Variants in GALNT2 observed in about 807,000 individuals in gnomAD.
GALNT2 encodes the protein UDP-GalNAc:polypeptide N-acetylgalactosaminyltransferase 2.
A neutral mutation model predicts 81.4 loss-of-function variants in GALNT2; 31 were observed. That is an observed-to-expected ratio of 0.38 (90% CI 0.29 to 0.51). The LOEUF (loss-of-function observed/expected upper bound fraction) is 0.51, where lower values mean the gene tolerates loss of function less well. GALNT2 is among the 20% of genes least tolerant of loss of function. GALNT2 has a pLI of 0.87. For synonymous variants in GALNT2, 303 were observed against 287.4 expected, an observed-to-expected ratio of 1.05 and a Z score of -0.55; for missense variants, 629 against 765.7, an observed-to-expected ratio of 0.82 and a Z score of 2.11.
In GALNT2 at chr1:230,255,368, G is replaced by C. The variant is rs375373287; in HGVS notation, c.1136+24G>C. 1.4e-5 allele frequency: 22 copies of C among 1,613,852 alleles called. 1 individual carries two copies. The highest frequency in any genetic ancestry group is 1.6e-4 in the Middle Eastern group (1 of 6,082). Reference sequence around the variant, plus strand: ...CGGTAAGTAGTGAAAGGCTGAGCGGGGTCCAAAACATTGATGACTACCCTG... The same window carrying C: ...CGGTAAGTAGTGAAAGGCTGAGCGGCGTCCAAAACATTGATGACTACCCTG... On this transcript the variant is annotated intron_variant, in intron 11 of 15. Transcript: ENST00000366672.
chr1:230,140,324 G>C (rs1481453850), intron 1 of GALNT2, among the ~76,000 whole-genome samples: 3 of 152,188 alleles, frequency 2.0e-5, no homozygotes, highest in Non-Finnish European at 4.4e-5. Context: ...TAGTGTGGCT[G>C]GTAGGTTTGG....
In GALNT2 at chr1:230,280,086, G is replaced by A. The variant is rs757958706; in HGVS notation, c.*628G>A. ...AAAGCTATATAGAGAAAGAATGTAC[G>A]GTCAGTTCCCTATGGTTTCTGTAGA... On this transcript the variant is annotated 3_prime_UTR_variant, in exon 16 of 16. Coordinates refer to ENST00000366672, the MANE Select transcript of GALNT2 (RefSeq NM_004481.5). 4.7e-5 allele frequency: 21 copies of A among 444,056 alleles called. No individual in the cohort carries two copies. The highest frequency in any genetic ancestry group is 9.6e-5 in the Admixed American group (4 of 41,744). The allele number at this position is 444,056 out of a possible 1,614,324, so 27.5% of individuals were successfully genotyped here.
intron 2 of GALNT2, among the ~76,000 whole-genome samples, chr1:230,180,297 T>C (rs1253732212): frequency 2.0e-5 from 1 of 50,502 alleles, no homozygotes; most frequent in Admixed American, 2.2e-4. Flanking sequence ...GTCTAGGTTC[T>C]TTTTTTTTTT....
chr1:230,217,689 G>A (rs1664432269), intron 3 of GALNT2, among the ~76,000 whole-genome samples: 1 of 152,218 alleles, frequency 6.6e-6, no homozygotes, highest in Non-Finnish European at 1.5e-5. Context: ...TGAGAATCTG[G>A]TTTCTGCTTT....
chr1:230,061,009 C>A (rs1348882022), intron 1 of GALNT2, among the ~76,000 whole-genome samples: 2 of 152,112 alleles, frequency 1.3e-5, no homozygotes, highest in Non-Finnish European at 2.9e-5. Context: ...CTCTCAACCC[C>A]AGTCCTGGAA....
chr1:230,253,006 C>G (rs1291987093), intron 10 of GALNT2, among the ~76,000 whole-genome samples: 1 of 151,876 alleles, frequency 6.6e-6, no homozygotes, highest in African/African-American at 2.4e-5. Context: ...GCCACCGTGC[C>G]CGGCTAATTT....
At chr1:230,162,989 G>A (rs745445060) in intron 1 of GALNT2, among the ~76,000 whole-genome samples, 9 of 152,194 alleles carry the variant, frequency 5.9e-5, no homozygotes, top group Non-Finnish European at 1.3e-4. Flanking sequence ...AAATCAATGT[G>A]TATGCCTTTT....
intron 3 of GALNT2, among the ~76,000 whole-genome samples, chr1:230,223,948 G>A (rs548703571): frequency 6.6e-6 from 1 of 152,212 alleles, no homozygotes; most frequent in South Asian, 2.1e-4. Context: ...TTTGTGGGGA[G>A]AACTGCAAGA....
chr1:230,279,249 T>C lies in GALNT2; in HGVS notation c.1561-54T>C, dbSNP rs1477242560. 8.3e-6 allele frequency: 13 copies of C among 1,562,898 alleles called. No homozygotes were observed. In the Admixed American group the frequency reaches 2.3e-4, roughly 28 times the overall value. On this transcript the variant is annotated intron_variant, in intron 15 of 15. Transcript: ENST00000366672. The surrounding 1 kb of genome is among the most constrained non-coding windows in gnomAD (Gnocchi z 4.6). The stretch of plus-strand genomic sequence containing the variant: ...AAGGTCCTGAATTCACACGAATCTG[T>C]TTGTACTCCTTTGCTTGTGCCCACA...
intron 1 of GALNT2, among the ~76,000 whole-genome samples, chr1:230,080,664 A>T (rs1217092552): frequency 6.6e-6 from 1 of 151,972 alleles, no homozygotes; most frequent in Non-Finnish European, 1.5e-5. Flanking sequence ...GGCAGAGAGG[A>T]TGCATAGCAC....
At chr1:230,062,084 CTT>C (rs903852008) in intron 1 of GALNT2, among the ~76,000 whole-genome samples, 7 of 152,090 alleles carry the variant, frequency 4.6e-5, no homozygotes, top group Admixed American at 4.6e-4. Flanking sequence ...TTTTGTCAAA[CTT>C]TTGATTTTTT....
intron 3 of GALNT2, among the ~76,000 whole-genome samples, chr1:230,208,370 C>T (rs1664130764): frequency 6.6e-6 from 1 of 152,152 alleles, no homozygotes; most frequent in Non-Finnish European, 1.5e-5. Context: ...GGAAGACCTG[C>T]AGTCTCCTCA....
At chr1:230,159,907 T>C (rs1662378228) in intron 1 of GALNT2, among the ~76,000 whole-genome samples, 1 of 152,194 alleles carries the variant, frequency 6.6e-6, no homozygotes, top group Non-Finnish European at 1.5e-5. Context: ...GTTCCTACTC[T>C]GGAGGAGTCA....
Position 230,279,854 on chromosome 1 carries a change from G to T in GALNT2, c.*396G>T, listed in dbSNP as rs375249965. 4.3e-6 allele frequency: 2 copies of T among 468,036 alleles called. No homozygotes were observed. The highest frequency in any genetic ancestry group is 4.3e-6 in the Non-Finnish European group (1 of 235,188). The allele number at this position is 468,036 out of a possible 1,614,324, so 29.0% of individuals were successfully genotyped here. The stretch of plus-strand genomic sequence containing the variant: ...GGGGGCACACATGCCCCAGGGGAGC[G>T]AGGAGAACTCTTGAAATCTCCATTT... On this transcript the variant is annotated 3_prime_UTR_variant, in exon 16 of 16. Coordinates refer to ENST00000366672, the MANE Select transcript of GALNT2 (RefSeq NM_004481.5). The surrounding 1 kb of genome is among the most constrained non-coding windows in gnomAD (Gnocchi z 4.6).
chr1:230,107,610 T>TGTGTGTG (rs1660578332), intron 1 of GALNT2, among the ~76,000 whole-genome samples: 6 of 141,116 alleles, frequency 4.3e-5, no homozygotes, highest in Non-Finnish European at 7.7e-5. Flanking sequence ...CTCATGGACT[T>TGTGTGTG]TGTGTGTGTG....
At chr1:230,220,810 T>C (rs1664523923) in intron 3 of GALNT2, among the ~76,000 whole-genome samples, 1 of 152,178 alleles carries the variant, frequency 6.6e-6, no homozygotes, top group Non-Finnish European at 1.5e-5. Flanking sequence ...ATGATCTGCC[T>C]TCTATTGTTG....
chr1:230,076,459 T>G (rs77281993), intron 1 of GALNT2, among the ~76,000 whole-genome samples: 4,729 of 151,996 alleles, frequency 0.031, 153 homozygotes, highest in African/African-American at 0.079. Flanking sequence ...GGGAGTGGGG[T>G]TTGTTGATTC....
Position 230,275,869 on chromosome 1 carries a change from A to AT in GALNT2, c.1560+1305_1560+1306insT. 6.6e-6 allele frequency among the ~76,000 whole-genome samples: 1 copy of AT among 151,504 alleles called. No individual in the cohort carries two copies. The highest frequency in any genetic ancestry group is 6.6e-5 in the Admixed American group (1 of 15,172). On this transcript the variant is annotated intron_variant, in intron 15 of 15. Transcript: ENST00000366672. The surrounding 1 kb of genome is among the most constrained non-coding windows in gnomAD (Gnocchi z 5.5). ...CATGCCACATAGATATACATATATAAATGCCACAGATATATACATATATAA... is the reference window on the plus strand; with the variant it reads ...CATGCCACATAGATATACATATATAATATGCCACAGATATATACATATATAA...
chr1:230,130,622 G>T (rs1661337433), intron 1 of GALNT2, among the ~76,000 whole-genome samples: 1 of 152,202 alleles, frequency 6.6e-6, no homozygotes, highest in South Asian at 2.1e-4. Context: ...CCCTAAGTAG[G>T]ATGCTCCCAT....
Sources: gnomAD v4.1 joint callset for allele counts (sites outside exome capture counted in the v4.1 genomes callset) on GRCh38, gnomAD v4.1.1 for gene constraint, Gnocchi (gnomAD v3.1) non-coding constraint, MANE v1.5 for transcripts, NCBI Gene and HGNC (gene_info 2026-07-23, HGNC 2026-07-21) for gene names.